MTIF2: variants seen among roughly 807,000 people sequenced by gnomAD.
MTIF2 encodes mitochondrial translational initiation factor 2.
Under a neutral mutation model 83.5 loss-of-function variants are expected in MTIF2, and 71 were observed. The ratio of observed to expected loss-of-function variants is 0.85; its 90% CI spans 0.70 to 1.04. The LOEUF (loss-of-function observed/expected upper bound fraction) is 1.04. Ranked by LOEUF, MTIF2 falls within the 50% of genes least tolerant of loss-of-function variation. MTIF2 has a pLI of 0.00. For missense variants in MTIF2, 957 were observed against 846.5 expected (o/e 1.13, Z -1.62); for synonymous variants, 319 against 287.1 (o/e 1.11, Z -1.12).
intron 15 of MTIF2, 113 bp from the exon 16 acceptor site, chr2:55,236,933 GGTCTT>G (rs1347105594): frequency 5.4e-6 from 5 of 930,130 alleles, no homozygotes; most frequent in African/African-American, 1.7e-5. Flanking sequence ...AAAATTTTAT[GGTCTT>G]GTCAAGTTAA....
At chr2:55,245,109 C>T (rs1676598246) in intron 10 of MTIF2, among the ~76,000 whole-genome samples, 1 of 151,960 alleles carries the variant, frequency 6.6e-6, no homozygotes, top group Non-Finnish European at 1.5e-5. Flanking sequence ...AATCTTTTCA[C>T]AGGCTACAAC....
At chr2:55,263,595 G>A in intron 4 of MTIF2, 45 bp downstream of exon 4, 2 of 1,460,826 alleles carry the variant, frequency 1.4e-6, no homozygotes, top group Non-Finnish European at 1.9e-6. Flanking sequence ...GGGTGACAGG[G>A]TGAGACTCCA....
rs1182839370 is a variant in MTIF2 at position 55,263,793 on chromosome 2, G to A, written c.66C>T (p.His22=). The stretch of plus-strand genomic sequence containing the variant: ...TTAATGCTCTTCTTTGACACAGACT[G>A]TGCAGTTGCCTATAAATAGTGTGAA... ...LRFHTIYRQL[H]SLCQRRALRQ... Residue 22 remains histidine (H), a synonymous_variant, in exon 4 of 16, where the codon CAC becomes CAT. Coordinates refer to ENST00000263629, the MANE Select transcript of MTIF2 (RefSeq NM_002453.3). 6.2e-7 allele frequency: 1 copy of A among 1,613,838 alleles called. No homozygotes were observed. The highest frequency in any genetic ancestry group is 8.5e-7 in the Non-Finnish European group (1 of 1,180,012).
At chr2:55,251,288 T>A (rs566474174) in intron 8 of MTIF2, among the ~76,000 whole-genome samples, 1 of 152,136 alleles carries the variant, frequency 6.6e-6, no homozygotes, top group African/African-American at 2.4e-5. Flanking sequence ...TTTGCATGTA[T>A]TCCCTAGAAT....
At chr2:55,237,539 A>G in intron 14 of MTIF2, 111 bp from the exon 15 acceptor site, 11 of 1,014,294 alleles carry the variant, frequency 1.1e-5, no homozygotes, top group Non-Finnish European at 1.4e-5. Context: ...ATCCAAATTC[A>G]TGCCTAGAAA....
At position 55,249,413 on chromosome 2, in the gene MTIF2, C is replaced by A. The variant is rs1246028151; in HGVS notation, c.963G>T (p.Val321=). Residue 321 remains valine, a synonymous_variant, in exon 9 of 16, where the codon GTG becomes GTT. Transcript: ENST00000263629. The part of the protein sequence containing the change: ...CEDYGGDVQA[V]PVSALTGDNL... ...CATTTACCGTAAGTGCGGAGACAGGCACTGCTTGAACATCACCTCCATAAT... is the reference window on the plus strand; with the variant it reads ...CATTTACCGTAAGTGCGGAGACAGGAACTGCTTGAACATCACCTCCATAAT... 1 of 1,613,962 alleles carries A rather than the reference C, an allele frequency of 6.2e-7. No homozygotes were observed. Among genetic ancestry groups the A allele is most frequent in the Non-Finnish European group, 8.5e-7 (1 of 1,179,992 alleles).
intron 11 of MTIF2, 120 bp downstream of exon 11, chr2:55,243,909 C>A: frequency 1.0e-6 from 1 of 1,001,002 alleles, no homozygotes; most frequent in Non-Finnish European, 1.4e-6. Context: ...AACTTGCATC[C>A]TCACAGCCCC....
intron 5 of MTIF2, among the ~76,000 whole-genome samples, chr2:55,256,895 T>G (rs1470417560): frequency 6.6e-6 from 1 of 151,960 alleles, no homozygotes; most frequent in East Asian, 1.9e-4. Context: ...GAAGGGTTCT[T>G]GCCATTTTGC....
chr2:55,251,082 C>A (rs1239429411), intron 8 of MTIF2, among the ~76,000 whole-genome samples: 2 of 137,142 alleles, frequency 1.5e-5, no homozygotes, highest in Non-Finnish European at 3.0e-5. Context: ...TGCACTCCAG[C>A]CTGGGCAATA....
intron 3 of MTIF2, among the ~76,000 whole-genome samples, chr2:55,264,346 C>T (rs1392976677): frequency 6.6e-6 from 1 of 152,180 alleles, no homozygotes; most frequent in African/African-American, 2.4e-5. Context: ...ATGCTCTCAC[C>T]TCAGCCTCCC....
rs1678024634 is a variant in MTIF2 at position 55,261,914 on chromosome 2, G to A, written c.331+402C>T. On this transcript the variant is annotated intron_variant, in intron 5 of 15. Coordinates refer to ENST00000263629, the MANE Select transcript of MTIF2 (RefSeq NM_002453.3). Reference sequence around the variant, plus strand: ...TGATCATGCCACTATACTGGACAAAGCAAGACCCTGTCTCAAAAAAAAAAA... The same window carrying A: ...TGATCATGCCACTATACTGGACAAAACAAGACCCTGTCTCAAAAAAAAAAA... 3.4e-5 allele frequency among the ~76,000 whole-genome samples: 4 copies of A among 116,980 alleles called. No individual in the cohort carries two copies. In the South Asian group the frequency reaches 7.6e-4, roughly 22 times the overall value. The allele number at this position is 116,980 out of a possible 152,430, so 76.7% of individuals were successfully genotyped here. A position where few individuals can be genotyped will look rare whatever the true frequency, so the allele number is the denominator to read the frequency against.
intron 3 of MTIF2, among the ~76,000 whole-genome samples, chr2:55,265,146 G>C (rs1678334243): frequency 6.6e-6 from 1 of 151,550 alleles, no homozygotes; most frequent in Non-Finnish European, 1.5e-5. Flanking sequence ...AGAAGGCTGA[G>C]GCAGGAGAAT....
intron 2 of MTIF2, among the ~76,000 whole-genome samples, chr2:55,268,332 T>C (rs1473000593): frequency 1.3e-5 from 2 of 152,034 alleles, no homozygotes; most frequent in Non-Finnish European, 2.9e-5. Context: ...ACATGGAAAA[T>C]ATCTTATTTA....
At position 55,249,487 on chromosome 2, in the gene MTIF2, G is replaced by A; in HGVS notation, c.889C>T (p.Pro297Ser). The change falls in exon 9 of 16, where the codon CCT becomes TCT. Residue 297 changes from proline (P) to serine (S), a missense_variant. This residue lies in a region of MTIF2 where 733 missense variants were observed against 648.7 expected (regional missense o/e 1.13). Coordinates refer to ENST00000263629, the MANE Select transcript of MTIF2 (RefSeq NM_002453.3). ...AGCAGCTCTTTTTTCACTTTCTCAG[G>A]ATCAGCCTCAGCTTTGTCACATTTA... ...VNKCDKAEADPEKVKKELLAY... is the reference protein window; with the variant it reads ...VNKCDKAEADSEKVKKELLAY... 2.5e-6 allele frequency: 4 copies of A among 1,613,978 alleles called. No individual in the cohort carries two copies. Among genetic ancestry groups the A allele is most frequent in the South Asian group, 1.1e-5 (1 of 91,074 alleles).
chr2:55,248,333 G>A (rs769079387), intron 9 of MTIF2, among the ~76,000 whole-genome samples: 4 of 152,088 alleles, frequency 2.6e-5, no homozygotes, highest in Non-Finnish European at 4.4e-5. Context: ...ATTAATGGAC[G>A]CATAATTTCT....
intron 10 of MTIF2, among the ~76,000 whole-genome samples, chr2:55,245,158 G>T (rs371134548): frequency 6.6e-6 from 1 of 152,146 alleles, no homozygotes; most frequent in African/African-American, 2.4e-5. Flanking sequence ...AATGAAATAA[G>T]CCAGTTACAA....
At chr2:55,266,760 ATTC>A (rs1417156955) in intron 3 of MTIF2, among the ~76,000 whole-genome samples, 2 of 124,026 alleles carry the variant, frequency 1.6e-5, no homozygotes, top group Admixed American at 8.6e-5. Context: ...GCTACATTTC[ATTC>A]TTTTTTTTTT....
At position 55,263,813 on chromosome 2, in the gene MTIF2, T is replaced by C. The variant is rs1678226849; in HGVS notation, c.46A>G (p.Thr16Ala). The change falls in exon 4 of 16, where the codon ACT (threonine) becomes GCT (alanine). Residue 16 changes from threonine (T) to alanine (A), a missense_variant. Around this residue, in one of 3 missense-constraint regions of MTIF2, gnomAD observed 733 missense variants for 648.7 expected, o/e 1.13. Transcript: ENST00000263629. ...AGACTGTGCAGTTGCCTATAAATAG[T>C]GTGAAATCGTAGCAAGTTCTCCAAC... ...LKLENLLRFHTIYRQLHSLCQ... is the reference protein window; with the variant it reads ...LKLENLLRFHAIYRQLHSLCQ... The C allele has an allele frequency of 4.3e-6, 7 of 1,613,876 alleles. No individual in the cohort carries two copies. The highest frequency in any genetic ancestry group is 1.3e-5 in the African/African-American group (1 of 74,868).
chr2:55,249,192 A>C (rs1015265572), intron 9 of MTIF2, among the ~76,000 whole-genome samples: 5 of 152,140 alleles, frequency 3.3e-5, no homozygotes, highest in African/African-American at 1.2e-4. Flanking sequence ...TTGACTCCAC[A>C]CTGATTAGCT....
Sources: gnomAD v4.1 joint callset for allele counts (sites outside exome capture counted in the v4.1 genomes callset) on GRCh38, gnomAD v4.1.1 for gene constraint, gnomAD v4.1.1 regional missense constraint, MANE v1.5 for transcripts, NCBI Gene and HGNC (gene_info 2026-07-23, HGNC 2026-07-21) for gene names.